CDH22: variants seen among roughly 807,000 people sequenced by gnomAD.
CDH22 encodes cadherin-22.
CDH22 carries 30 observed loss-of-function variants against 58.4 expected under a neutral mutation model. The ratio of observed to expected loss-of-function variants is 0.51; its 90% CI spans 0.38 to 0.70. The LOEUF (loss-of-function observed/expected upper bound fraction) is 0.70, where lower values mean the gene tolerates loss of function less well. CDH22 is among the 30% of genes least tolerant of loss of function. The probability of loss-of-function intolerance (pLI) is 0.00; values close to 1 mark genes in which losing one functional copy is unlikely to be tolerated. For missense variants in CDH22, 1,014 were observed against 1,233.9 expected (o/e 0.82, Z 2.67); for synonymous variants, 513 against 558.2 (o/e 0.92, Z 1.14).
intron 1 of CDH22, among the ~76,000 whole-genome samples, chr20:46,266,437 GA>G (rs938996093): frequency 2.6e-5 from 4 of 152,210 alleles, no homozygotes; most frequent in African/African-American, 9.7e-5. Context: ...GGCAGAGAAG[GA>G]CCTGCAGGCT....
chr20:46,268,201 C>T (rs1041124849), intron 1 of CDH22, among the ~76,000 whole-genome samples: 3 of 152,236 alleles, frequency 2.0e-5, no homozygotes, highest in Non-Finnish European at 4.4e-5. Flanking sequence ...GCTAAAAACT[C>T]GGGCCGACCT....
At chr20:46,221,996 A>G (rs1348355643) in intron 4 of CDH22, among the ~76,000 whole-genome samples, 2 of 152,152 alleles carry the variant, frequency 1.3e-5, no homozygotes, top group Non-Finnish European at 2.9e-5. Flanking sequence ...GGCCAGACAG[A>G]TATGGGCTCA....
At chr20:46,279,623 A>G (rs2086539262) in intron 1 of CDH22, among the ~76,000 whole-genome samples, 2 of 152,212 alleles carry the variant, frequency 1.3e-5, no homozygotes. Flanking sequence ...GCTAAAGTCT[A>G]AAAATGGTCT....
intron 1 of CDH22, among the ~76,000 whole-genome samples, chr20:46,292,724 T>C (rs2086609954): frequency 6.6e-6 from 1 of 152,136 alleles, no homozygotes; most frequent in Non-Finnish European, 1.5e-5. Flanking sequence ...AACCGTGAAT[T>C]CTTCCCTGCG....
intron 8 of CDH22, among the ~76,000 whole-genome samples, chr20:46,193,747 C>T (rs2085878088): frequency 6.6e-6 from 1 of 152,178 alleles, no homozygotes; most frequent in Admixed American, 6.5e-5. Context: ...GCTCCCAGGC[C>T]TTTGCACACA....
chr20:46,285,776 A>C (rs569717681), intron 1 of CDH22, among the ~76,000 whole-genome samples: 2 of 152,116 alleles, frequency 1.3e-5, no homozygotes, highest in Non-Finnish European at 2.9e-5. Flanking sequence ...ACACATATAC[A>C]TTGTGCTCCT....
chr20:46,307,125 G>A (rs138477745), intron 1 of CDH22, among the ~76,000 whole-genome samples: 1,650 of 152,338 alleles, frequency 0.011, 10 homozygotes, highest in South Asian at 0.024. Context: ...GCTGGCATGC[G>A]CAACCCTGGC....
chr20:46,277,442 A>T (rs1489049512), intron 1 of CDH22, among the ~76,000 whole-genome samples: 2 of 152,230 alleles, frequency 1.3e-5, no homozygotes, highest in Non-Finnish European at 2.9e-5. Flanking sequence ...TTTTGCAAAA[A>T]ATGAATAAGG....
chr20:46,269,916 C>A (rs1251966963), intron 1 of CDH22, among the ~76,000 whole-genome samples: 1 of 152,180 alleles, frequency 6.6e-6, no homozygotes, highest in Non-Finnish European at 1.5e-5. Context: ...AGGTCTGATT[C>A]ATCTCCAAAC....
At chr20:46,244,732 G>C (rs527653351) in intron 2 of CDH22, among the ~76,000 whole-genome samples, 1 of 152,312 alleles carries the variant, frequency 6.6e-6, no homozygotes, top group South Asian at 2.1e-4. Flanking sequence ...AAAGGGGAAG[G>C]GGGGAAGGAG....
chr20:46,192,555 G>A (rs2085868265), intron 8 of CDH22, among the ~76,000 whole-genome samples: 1 of 151,958 alleles, frequency 6.6e-6, no homozygotes, highest in South Asian at 2.1e-4. Flanking sequence ...AAGAGTGGGA[G>A]TGGGAAGGAG....
intron 1 of CDH22, among the ~76,000 whole-genome samples, chr20:46,278,997 G>A (rs779481396): frequency 2.0e-5 from 3 of 152,104 alleles, no homozygotes; most frequent in Non-Finnish European, 4.4e-5. Context: ...GGGGGAGGGG[G>A]CAGATTTCGG....
chr20:46,189,360 G>A (rs2085848226), intron 8 of CDH22, among the ~76,000 whole-genome samples: 1 of 152,198 alleles, frequency 6.6e-6, no homozygotes, highest in African/African-American at 2.4e-5. Flanking sequence ...GTGCTTTTGG[G>A]AAGAGGGGGG....
In CDH22 at chr20:46,300,220, CT is replaced by C. The variant is rs1325548253; in HGVS notation, c.-400+8034del. 6.6e-6 allele frequency among the ~76,000 whole-genome samples: 1 copy of C among 152,148 alleles called. No homozygotes were observed. The highest frequency in any genetic ancestry group is 6.5e-5 in the Admixed American group (1 of 15,274). ...ACGCAGGCCTTGGCAACCTCCTGGC[CT>C]GGGGGGTGGGCTGCCTCTCCCAGGA... On this transcript the variant is annotated intron_variant, in intron 1 of 11. Coordinates refer to ENST00000537909, the MANE Select transcript of CDH22 (RefSeq NM_021248.3). This position sits in a 1 kb window ranked among gnomAD's most constrained non-coding sequence, Gnocchi z 4.4.
chr20:46,184,516 T>A (rs2064242108), intron 10 of CDH22, among the ~76,000 whole-genome samples: 1 of 152,180 alleles, frequency 6.6e-6, no homozygotes, highest in Non-Finnish European at 1.5e-5. Context: ...GATTGCATTA[T>A]TCCTCCACCC....
chr20:46,224,575 A>G (rs913411851), intron 4 of CDH22, among the ~76,000 whole-genome samples: 1 of 152,170 alleles, frequency 6.6e-6, no homozygotes, highest in Non-Finnish European at 1.5e-5. Flanking sequence ...GTTAAAGCTG[A>G]ATTTTTTAGC....
intron 2 of CDH22, among the ~76,000 whole-genome samples, chr20:46,250,485 A>G (rs2086363500): frequency 1.3e-5 from 2 of 152,180 alleles, no homozygotes; most frequent in Non-Finnish European, 2.9e-5. Flanking sequence ...TAAGGTCATC[A>G]GTGGAAGGAG....
intron 2 of CDH22, among the ~76,000 whole-genome samples, chr20:46,249,264 T>G (rs150922508): frequency 6.6e-6 from 1 of 152,214 alleles, no homozygotes; most frequent in African/African-American, 2.4e-5. Flanking sequence ...ACCTATCATA[T>G]AGCAGGCTTG....
chr20:46,220,394 T>C (rs141860000), intron 4 of CDH22: 1,761 of 20,516 alleles, frequency 0.086, 27 homozygotes, highest in Admixed American at 0.19. Flanking sequence ...AGAAAGATGG[T>C]GGGGGGTGGG....
Sources: gnomAD v4.1 joint callset for allele counts (sites outside exome capture counted in the v4.1 genomes callset) on GRCh38, gnomAD v4.1.1 for gene constraint, Gnocchi (gnomAD v3.1) non-coding constraint, MANE v1.5 for transcripts, NCBI Gene and HGNC (gene_info 2026-07-23, HGNC 2026-07-21) for gene names.